MYO6: variants seen among roughly 807,000 people sequenced by gnomAD.
The protein encoded by MYO6 is unconventional myosin-VI.
MYO6 carries 74 observed loss-of-function variants against 178.7 expected under a neutral mutation model. The ratio of observed to expected loss-of-function variants is 0.41; its 90% CI spans 0.34 to 0.50. MYO6 has a LOEUF of 0.50. Ranked by LOEUF, MYO6 falls within the 20% of genes least tolerant of loss-of-function variation. The pLI is 0.09. For missense variants in MYO6, 1,330 were observed against 1,547.4 expected (o/e 0.86, Z 2.36); for synonymous variants, 477 against 504.6 (o/e 0.95, Z 0.73).
chr6:75,880,250 A>AT, intron 22 of MYO6, 130 bp downstream of exon 22: 2 of 724,204 alleles, frequency 2.8e-6, no homozygotes, highest in South Asian at 3.7e-5. Flanking sequence ...ATGAATTGCT[A>AT]TTTTCCATAC....
chr6:75,773,266 TA>T (rs1345095449), intron 1 of MYO6, among the ~76,000 whole-genome samples: 3 of 152,132 alleles, frequency 2.0e-5, no homozygotes, highest in Non-Finnish European at 2.9e-5. Flanking sequence ...CAGTAGTAAA[TA>T]AAAAGTGGAA....
At chr6:75,895,559 C>T (rs1779230087) in intron 29 of MYO6, among the ~76,000 whole-genome samples, 1 of 150,524 alleles carries the variant, frequency 6.6e-6, no homozygotes, top group Admixed American at 6.6e-5. Context: ...CTTTTGTTGC[C>T]CAGGCCAGAG....
At chr6:75,881,220 A>G (rs890913959) in intron 22 of MYO6, among the ~76,000 whole-genome samples, 1 of 152,084 alleles carries the variant, frequency 6.6e-6, no homozygotes, top group Non-Finnish European at 1.5e-5. Flanking sequence ...CGCCACTGCA[A>G]AAAAGGTTGG....
At chr6:75,862,084 T>C (rs1286352685) in intron 15 of MYO6, among the ~76,000 whole-genome samples, 1 of 152,220 alleles carries the variant, frequency 6.6e-6, no homozygotes, top group Non-Finnish European at 1.5e-5. Flanking sequence ...ATCATTGTTA[T>C]ATACTGTATT....
chr6:75,885,178 G>C (rs576207094), intron 23 of MYO6, among the ~76,000 whole-genome samples: 1 of 152,256 alleles, frequency 6.6e-6, no homozygotes, highest in African/African-American at 2.4e-5. Context: ...TGTAATTTTT[G>C]CAAAGGCAAA....
At chr6:75,852,860 C>A (rs763645535) in intron 11 of MYO6, among the ~76,000 whole-genome samples, 2 of 152,046 alleles carry the variant, frequency 1.3e-5, no homozygotes, top group Non-Finnish European at 2.9e-5. Context: ...GAGTAAATAC[C>A]TTGGAGTGGA....
intron 4 of MYO6, among the ~76,000 whole-genome samples, chr6:75,829,752 T>A (rs1772879479): frequency 1.3e-5 from 2 of 152,330 alleles, no homozygotes; most frequent in South Asian, 4.1e-4. Flanking sequence ...GTTGAGTATC[T>A]AATATGTGCT....
At chr6:75,789,352 T>G (rs1767996623) in intron 1 of MYO6, among the ~76,000 whole-genome samples, 2 of 152,230 alleles carry the variant, frequency 1.3e-5, no homozygotes, top group Admixed American at 6.5e-5. Flanking sequence ...TGGTCTTTCA[T>G]TTAATCCTCA....
At position 75,855,216 on chromosome 6, in the gene MYO6, C is replaced by T; in HGVS notation, c.1156C>T (p.Leu386Phe). 6.2e-7 allele frequency: 1 copy of T among 1,613,644 alleles called. No homozygotes were observed. Among genetic ancestry groups the T allele is most frequent in the Non-Finnish European group, 8.5e-7 (1 of 1,179,718 alleles). ...ATTACTGGGTTTGGACCAAGATGAT[C>T]TTCGAGTAAGTTTGACCACAAGAGT... Reference protein sequence around the residue: ...AELLGLDQDDLRVSLTTRVML... With the variant: ...AELLGLDQDDFRVSLTTRVML... The change falls in exon 12 of 35, where the codon CTT (leucine) becomes TTT (phenylalanine). Residue 386 changes from leucine to phenylalanine, a missense_variant. Leu to Phe is a conservative substitution (Grantham distance 22, BLOSUM62 0). Around this residue, in one of 3 missense-constraint regions of MYO6, gnomAD observed 613 missense variants for 816.8 expected, o/e 0.75. Coordinates refer to ENST00000369977, the MANE Select transcript of MYO6 (RefSeq NM_004999.4).
intron 1 of MYO6, among the ~76,000 whole-genome samples, chr6:75,808,380 C>G (rs1213546016): frequency 6.6e-6 from 1 of 152,150 alleles, no homozygotes; most frequent in African/African-American, 2.4e-5. Flanking sequence ...AGATCTATTT[C>G]TCTCTCTTCC....
At chr6:75,860,034 A>C (rs1776072755) in intron 14 of MYO6, among the ~76,000 whole-genome samples, 1 of 152,166 alleles carries the variant, frequency 6.6e-6, no homozygotes, top group South Asian at 2.1e-4. Context: ...CTGGCAGCAA[A>C]GCCATCAAGT....
At chr6:75,783,371 A>AC (rs1767182790) in intron 1 of MYO6, among the ~76,000 whole-genome samples, 2 of 152,148 alleles carry the variant, frequency 1.3e-5, no homozygotes, top group South Asian at 4.1e-4. Flanking sequence ...GGTTCACTGA[A>AC]CCGGTAACCC....
intron 1 of MYO6, among the ~76,000 whole-genome samples, chr6:75,786,235 A>T (rs1411198972): frequency 6.6e-6 from 1 of 151,870 alleles, no homozygotes; most frequent in Non-Finnish European, 1.5e-5. Flanking sequence ...CTATATATTT[A>T]TATATATATA....
At chr6:75,885,114 T>C (rs1183344306) in intron 23 of MYO6, among the ~76,000 whole-genome samples, 2 of 152,248 alleles carry the variant, frequency 1.3e-5, no homozygotes, top group African/African-American at 4.8e-5. Flanking sequence ...GCTTAGAGGT[T>C]AGAAGCAAGA....
chr6:75,786,978 T>C (rs1767630457), intron 1 of MYO6, among the ~76,000 whole-genome samples: 1 of 152,220 alleles, frequency 6.6e-6, no homozygotes, highest in South Asian at 2.1e-4. Context: ...CAAAGATAAG[T>C]CCCAGATTCT....
rs1562114990 is a variant in MYO6 at position 75,757,386 on chromosome 6, TAC to T, written c.-48+7967_-48+7968del. Reference sequence around the variant, plus strand: ...GTGTGTGTGTGTGTATATATATGTATACACATATATATACACACACACACATA... The same window carrying T: ...GTGTGTGTGTGTGTATATATATGTATACATATATATACACACACACACATA... On this transcript the variant is annotated intron_variant, in intron 1 of 34. Transcript: ENST00000369977. Among the ~76,000 whole-genome samples, 6 of 149,230 alleles carry T rather than the reference TAC, an allele frequency of 4.0e-5. No individual in the cohort carries two copies. In the South Asian group the frequency reaches 8.5e-4, roughly 21 times the overall value.
intron 24 of MYO6, 135 bp from the exon 25 acceptor site, chr6:75,886,709 A>T: frequency 1.2e-6 from 1 of 852,210 alleles, no homozygotes. Context: ...GCCTTCAACA[A>T]GAGATCTGAA....
At chr6:75,765,804 A>T (rs1053430141) in intron 1 of MYO6, among the ~76,000 whole-genome samples, 15 of 152,222 alleles carry the variant, frequency 9.9e-5, no homozygotes, top group African/African-American at 3.6e-4. Context: ...AGGTGGGAGG[A>T]TCATTTGAGC....
chr6:75,757,173 CACAT>C (rs1279963711), intron 1 of MYO6, among the ~76,000 whole-genome samples: 1 of 145,524 alleles, frequency 6.9e-6, no homozygotes, highest in African/African-American at 2.5e-5. Context: ...TGTATATACA[CACAT>C]ATATACACAC....
Sources: gnomAD v4.1 joint callset for allele counts (sites outside exome capture counted in the v4.1 genomes callset) on GRCh38, gnomAD v4.1.1 for gene constraint, gnomAD v4.1.1 regional missense constraint, MANE v1.5 for transcripts, NCBI Gene and HGNC (gene_info 2026-07-23, HGNC 2026-07-21) for gene names.